The following EPHB2 variants were observed in gnomAD, a reference collection of about 807,000 sequenced individuals.
The protein encoded by EPHB2 is ephrin type-B receptor 2.
A neutral mutation model predicts 96.4 loss-of-function variants in EPHB2; 18 were observed. The ratio of observed to expected loss-of-function variants is 0.19; its 90% CI spans 0.13 to 0.28. The LOEUF (loss-of-function observed/expected upper bound fraction) is 0.28, where lower values mean the gene tolerates loss of function less well. Ranked by LOEUF, EPHB2 falls within the 10% of genes least tolerant of loss-of-function variation. The pLI, the probability that EPHB2 is intolerant of heterozygous loss-of-function variation, is 1.00. For missense variants in EPHB2, 989 were observed against 1,355.4 expected (o/e 0.73, Z 4.25); for synonymous variants, 506 against 534.1 (o/e 0.95, Z 0.72).
intron 1 of EPHB2, among the ~76,000 whole-genome samples, chr1:22,751,971 C>G (rs1011594336): frequency 6.6e-6 from 1 of 152,222 alleles, no homozygotes; most frequent in Non-Finnish European, 1.5e-5. Flanking sequence ...GAGTTCCACC[C>G]TGTGCACAGT....
intron 8 of EPHB2, among the ~76,000 whole-genome samples, chr1:22,895,878 G>T (rs1302406276): frequency 6.6e-6 from 1 of 152,244 alleles, no homozygotes. Context: ...GAGTTTAGTG[G>T]GTGGTGGAAG....
intron 14 of EPHB2, among the ~76,000 whole-genome samples, chr1:22,911,751 G>A (rs189621208): frequency 1.3e-5 from 2 of 152,214 alleles, no homozygotes; most frequent in East Asian, 3.9e-4. Flanking sequence ...AAGTCCTTAG[G>A]AAGGACTTGG....
chr1:22,722,126 T>G (rs975393063), intron 1 of EPHB2, among the ~76,000 whole-genome samples: 25 of 151,762 alleles, frequency 1.6e-4, no homozygotes, highest in Non-Finnish European at 2.1e-4. Context: ...TTTTGTATTT[T>G]GAGTAAAGAC....
At chr1:22,848,783 G>A (rs1645580993) in intron 3 of EPHB2, among the ~76,000 whole-genome samples, 1 of 152,110 alleles carries the variant, frequency 6.6e-6, no homozygotes, top group African/African-American at 2.4e-5. Flanking sequence ...ATTTTCATTA[G>A]CATTCAAGTC....
intron 1 of EPHB2, among the ~76,000 whole-genome samples, chr1:22,740,135 G>A (rs909711464): frequency 3.3e-5 from 5 of 152,186 alleles, no homozygotes; most frequent in African/African-American, 1.2e-4. Context: ...GGTCCCTGGT[G>A]ATCCTGAGAT....
intron 3 of EPHB2, among the ~76,000 whole-genome samples, chr1:22,861,892 A>T (rs1280780053): frequency 1.3e-5 from 2 of 152,222 alleles, no homozygotes; most frequent in African/African-American, 4.8e-5. Flanking sequence ...CCCAGGCATA[A>T]AATGTACTCC....
At chr1:22,808,783 A>C (rs1223243257) in intron 3 of EPHB2, among the ~76,000 whole-genome samples, 1 of 152,268 alleles carries the variant, frequency 6.6e-6, no homozygotes, top group African/African-American at 2.4e-5. Flanking sequence ...GGCACAAAGC[A>C]GTTAAGTAAC....
intron 1 of EPHB2, among the ~76,000 whole-genome samples, chr1:22,730,030 G>A (rs1643672269): frequency 6.6e-6 from 1 of 152,250 alleles, no homozygotes; most frequent in Admixed American, 6.5e-5. Context: ...TGAACGGAGT[G>A]GGATTGAAGT....
intron 1 of EPHB2, among the ~76,000 whole-genome samples, chr1:22,727,274 A>G (rs934761116): frequency 3.9e-5 from 6 of 152,264 alleles, no homozygotes; most frequent in African/African-American, 1.2e-4. Flanking sequence ...CTACTCCAGC[A>G]GTTGGGAGAG....
intron 3 of EPHB2, among the ~76,000 whole-genome samples, chr1:22,857,154 C>T (rs900636633): frequency 5.3e-5 from 8 of 152,214 alleles, no homozygotes; most frequent in Non-Finnish European, 1.0e-4. Context: ...CGACTGTGCA[C>T]ATTCTTTCCC....
chr1:22,869,630 G>A (rs958576137), intron 5 of EPHB2, among the ~76,000 whole-genome samples: 3 of 152,106 alleles, frequency 2.0e-5, no homozygotes, highest in Non-Finnish European at 4.4e-5. Flanking sequence ...GCAGGCAACT[G>A]GAGGGAGGGA....
chr1:22,765,228 C>G (rs1644290958), intron 1 of EPHB2, among the ~76,000 whole-genome samples: 1 of 152,052 alleles, frequency 6.6e-6, no homozygotes, highest in Non-Finnish European at 1.5e-5. Context: ...CTTGCAAAGC[C>G]TTTAGGGAGC....
At chr1:22,794,208 G>A (rs1024453216) in intron 3 of EPHB2, among the ~76,000 whole-genome samples, 1 of 152,166 alleles carries the variant, frequency 6.6e-6, no homozygotes, top group South Asian at 2.1e-4. Context: ...AGGACTGTGG[G>A]ACCTCAAAGG....
At chr1:22,762,795 T>C (rs1168130003) in intron 1 of EPHB2, among the ~76,000 whole-genome samples, 1 of 152,122 alleles carries the variant, frequency 6.6e-6, no homozygotes, top group East Asian at 1.9e-4. Flanking sequence ...TTCTGTGAAA[T>C]GGGAGTGTGA....
At position 22,834,380 on chromosome 1, in the gene EPHB2, T is replaced by A. The variant is rs539075743; in HGVS notation, c.812-28657T>A. Among the ~76,000 whole-genome samples, 4 of 152,322 alleles carry A rather than the reference T, an allele frequency of 2.6e-5. No individual in the cohort carries two copies. In the East Asian group the frequency reaches 7.7e-4, roughly 29 times the overall value. On this transcript the variant is annotated intron_variant, in intron 3 of 15. Transcript: ENST00000374630. ...GGTCTTGTATGGTGGCCAAGGTGTT[T>A]AGCTAACTAAACAATTCCATGACTT... is the stretch of plus-strand genomic sequence containing the variant.
chr1:22,804,679 C>A (rs1436118343), intron 3 of EPHB2, among the ~76,000 whole-genome samples: 1 of 151,332 alleles, frequency 6.6e-6, no homozygotes, highest in Non-Finnish European at 1.5e-5. Context: ...TCTTTCCCAT[C>A]CCACACCCTT....
Position 22,910,590 on chromosome 1 carries a change from TGGCCCTGCCCCAGCCA to T in EPHB2, c.2696+27_2696+42del. 6.2e-7 allele frequency: 1 copy of T among 1,613,598 alleles called. No homozygotes were observed. The highest frequency in any genetic ancestry group is 8.5e-7 in the Non-Finnish European group (1 of 1,179,810). ...CTCTCCTCTGGGTAAGGCCCCACCC[TGGCCCTGCCCCAGCCA>T]GGCCCTGCCCCTCTTCCCGTCTCCC... On this transcript the variant is annotated intron_variant, in intron 14 of 15. Coordinates refer to ENST00000374630, the MANE Select transcript of EPHB2 (RefSeq NM_017449.5).
chr1:22,894,455 G>A lies in EPHB2; in HGVS notation c.1592-1017G>A, dbSNP rs187117196. Among the ~76,000 whole-genome samples the A allele has an allele frequency of 3.7e-4, 56 of 152,090 alleles. No individual in the cohort carries two copies. The East Asian group carries it at 0.01, about 28-fold the overall frequency. ...TCTACTAAAACTACAAAATCAGCTG[G>A]GCGTGATGGCAGGCACCTGTAGTCA... is the stretch of plus-strand genomic sequence containing the variant. On this transcript the variant is annotated intron_variant, in intron 7 of 15. Transcript: ENST00000374630.
intron 3 of EPHB2, among the ~76,000 whole-genome samples, chr1:22,861,528 C>T (rs576245296): frequency 6.6e-6 from 1 of 152,272 alleles, no homozygotes; most frequent in East Asian, 1.9e-4. Flanking sequence ...TTACAGAGCA[C>T]TTGCTGGGTG....
Sources: gnomAD v4.1 joint callset for allele counts (sites outside exome capture counted in the v4.1 genomes callset) on GRCh38, gnomAD v4.1.1 for gene constraint, MANE v1.5 for transcripts, NCBI Gene and HGNC (gene_info 2026-07-23, HGNC 2026-07-21) for gene names.